The following MED8 variants were observed in gnomAD, a reference collection of about 807,000 sequenced individuals.
The protein encoded by MED8 is mediator of RNA polymerase II transcription subunit 8.
Under a neutral mutation model 34.8 loss-of-function variants are expected in MED8, and 22 were observed. That is an observed-to-expected ratio of 0.63 (90% CI 0.45 to 0.90). The LOEUF is 0.90. Among genes scored for constraint, MED8 ranks in the 40% least tolerant of loss-of-function variants. The pLI is 0.00. For synonymous variants in MED8, 105 were observed against 120.2 expected, an observed-to-expected ratio of 0.87 and a Z score of 0.83; for missense variants, 260 against 326.3, an observed-to-expected ratio of 0.80 and a Z score of 1.57.
Position 43,388,666 on chromosome 1 carries a change from C to T in MED8, c.7-238G>A, listed in dbSNP as rs1416610001. On this transcript the variant is annotated intron_variant, in intron 1 of 6. Coordinates refer to ENST00000372457, the MANE Select transcript of MED8 (RefSeq NM_201542.5). ...CTTCCACCAACTGATTCCTTTTCCC[C>T]ATCACCTCCTAATCTATGCCTGGTT... 5.6e-6 allele frequency: 3 copies of T among 531,406 alleles called. No homozygotes were observed. In the East Asian group the frequency reaches 1.0e-4, roughly 18 times the overall value. The allele number at this position is 531,406 out of a possible 1,614,324, so 32.9% of individuals were successfully genotyped here. A position where few individuals can be genotyped will look rare whatever the true frequency, so the allele number is the denominator to read the frequency against.
At chr1:43,387,691 G>A (rs201561232) in intron 2 of MED8, 44 bp from the exon 3 acceptor site, 38 of 1,607,752 alleles carry the variant, frequency 2.4e-5, no homozygotes, top group Non-Finnish European at 3.1e-5. Context: ...CCCCTTCCCT[G>A]GGTGGTTCTT....
Position 43,385,994 on chromosome 1 carries a change from A to G in MED8, c.726T>C (p.Ala242=), listed in dbSNP as rs1647713766. The part of the protein sequence containing the change: ...QQPMLSGVQM[A]QAGQPGKMPS... The stretch of plus-strand genomic sequence containing the variant: ...CCACCTTACCTGGTTGACCTGCCTG[A>G]GCCATTTGTACCCCACTGAGCATTG... Residue 242 remains alanine, a synonymous_variant, in exon 6 of 7, where the codon GCT becomes GCC. Transcript: ENST00000372457. 6.2e-7 allele frequency: 1 copy of G among 1,613,926 alleles called. No individual in the cohort carries two copies.
rs1163559266 is a variant in MED8, at chr1:43,389,753, T to C, written c.6+6A>G. On this transcript the variant is annotated splice_donor_region_variant and intron_variant, in intron 1 of 6. Coordinates refer to ENST00000372457, the MANE Select transcript of MED8 (RefSeq NM_201542.5). Reference sequence around the variant, plus strand: ...CAGCCGCTAGTACGCCCAACGCAACTCTCACCTGCATTGCGGCGGCCGAGG... The same window carrying C: ...CAGCCGCTAGTACGCCCAACGCAACCCTCACCTGCATTGCGGCGGCCGAGG... The C allele has an allele frequency of 1.2e-6, 2 of 1,608,500 alleles. No homozygotes were observed. Among genetic ancestry groups the C allele is most frequent in the Admixed American group, 1.7e-5 (1 of 59,402 alleles).
At chr1:43,385,828 T>C in intron 6 of MED8, 150 bp downstream of exon 6, 6 of 1,283,674 alleles carry the variant, frequency 4.7e-6, no homozygotes, top group Non-Finnish European at 6.5e-6. Flanking sequence ...ATGAGATTTT[T>C]TTACTTCTGA....
chr1:43,387,557 A>G lies in MED8; in HGVS notation c.216T>C (p.Arg72=). The change falls in exon 3 of 7, where the codon CGT becomes CGC. Residue 72 remains arginine, a synonymous_variant. Coordinates refer to ENST00000372457, the MANE Select transcript of MED8 (RefSeq NM_201542.5). ...VLKHEKTPLF[R]NQVIIPLVLS... is the part of the protein sequence containing the mutation. ...ACACCAGAGGAATGATGACCTGGTTACGGAACAGCGGTGTTTTTTCATGCT... is the reference window on the plus strand; with the variant it reads ...ACACCAGAGGAATGATGACCTGGTTGCGGAACAGCGGTGTTTTTTCATGCT... 1.2e-6 allele frequency: 2 copies of G among 1,614,054 alleles called. No individual in the cohort carries two copies. The highest frequency in any genetic ancestry group is 1.7e-6 in the Non-Finnish European group (2 of 1,179,890).
chr1:43,384,909 G>A lies in MED8; in HGVS notation c.*133C>T. 3.5e-6 allele frequency: 5 copies of A among 1,440,092 alleles called. No homozygotes were observed. Among genetic ancestry groups the A allele is most frequent in the Non-Finnish European group, 4.6e-6 (5 of 1,095,646 alleles). 89.2% of individuals were successfully genotyped at this position (1,440,092 alleles called of 1,614,324 possible). ...CAAGGTCACACAGCTAGTCAGTGGT[G>A]GAAGTGGGATTTGTCTGCTGCTGAA... On this transcript the variant is annotated 3_prime_UTR_variant, in exon 7 of 7. Coordinates refer to ENST00000372457, the MANE Select transcript of MED8 (RefSeq NM_201542.5).
chr1:43,385,205 A>G (rs1647687253), intron 6 of MED8, 99 bp from the exon 7 acceptor site: 2 of 1,455,828 alleles, frequency 1.4e-6, no homozygotes, highest in South Asian at 1.3e-5. Flanking sequence ...TTCCTTTATC[A>G]TCTCAGAACC....
Position 43,384,496 on chromosome 1 carries a change from A to G in MED8, c.*546T>C. On this transcript the variant is annotated 3_prime_UTR_variant, in exon 7 of 7. Coordinates refer to ENST00000372457, the MANE Select transcript of MED8 (RefSeq NM_201542.5). The stretch of plus-strand genomic sequence containing the variant: ...ATTTTTTTTTCCTTCCTGGCCCAGA[A>G]GCTTCTTCACCTTGCGCCTTAGAGG... The G allele has an allele frequency of 6.2e-7, 1 of 1,611,566 alleles. No homozygotes were observed. Among genetic ancestry groups the G allele is most frequent in the Non-Finnish European group, 8.5e-7 (1 of 1,178,852 alleles).
At chr1:43,388,167 A>G in intron 2 of MED8, 143 bp downstream of exon 2, 1 of 801,114 alleles carries the variant, frequency 1.2e-6, no homozygotes, top group Non-Finnish European at 1.9e-6. Flanking sequence ...TCCACTTGCT[A>G]AATGTTAGGA....
At chr1:43,387,681 C>T (rs534953305) in intron 2 of MED8, 34 bp from the exon 3 acceptor site, 2 of 1,611,192 alleles carry the variant, frequency 1.2e-6, no homozygotes, top group East Asian at 2.2e-5. Flanking sequence ...GAATGTTGTA[C>T]CCCTTCCCTG....
Position 43,386,442 on chromosome 1 carries a change from C to T in MED8, c.493+147G>A, listed in dbSNP as rs1309263515. The T allele has an allele frequency of 2.8e-6, 3 of 1,082,602 alleles. No homozygotes were observed. Among genetic ancestry groups the T allele is most frequent in the South Asian group, 1.5e-5 (1 of 64,746 alleles). The allele number at this position is 1,082,602 out of a possible 1,614,324, so 67.1% of individuals were successfully genotyped here. ...TTTCCTCCACTGCTTCAGTGCTGGC[C>T]TTAAATACAAAAGGCTAACAGAATG... On this transcript the variant is annotated intron_variant, in intron 5 of 6. Coordinates refer to ENST00000372457, the MANE Select transcript of MED8 (RefSeq NM_201542.5). The surrounding 1 kb of genome is among the most constrained non-coding windows in gnomAD (Gnocchi z 4.9).
At position 43,386,679 on chromosome 1, in the gene MED8, C is replaced by T. The variant is rs776512086; in HGVS notation, c.412-9G>A. 2 of 1,607,326 alleles carry T rather than the reference C, an allele frequency of 1.2e-6. No individual in the cohort carries two copies. Among genetic ancestry groups the T allele is most frequent in the African/African-American group, 2.7e-5 (2 of 75,024 alleles). ...AAGCTCTGGATCTGCTTCTGTAACA[C>T]ACAAATTTGTGCAGAGATTAGGGTA... is the stretch of plus-strand genomic sequence containing the variant. On this transcript the variant is annotated splice_polypyrimidine_tract_variant and intron_variant, in intron 4 of 6. Transcript: ENST00000372457. The surrounding 1 kb of genome is among the most constrained non-coding windows in gnomAD (Gnocchi z 4.9).
chr1:43,389,728 C>A (rs780880132), intron 1 of MED8, 31 bp downstream of exon 1: 1 of 1,603,420 alleles, frequency 6.2e-7, no homozygotes, highest in South Asian at 1.1e-5. Flanking sequence ...CGAAGCTTGC[C>A]AGCCGCTAGT....
chr1:43,385,796 G>T, intron 6 of MED8, 182 bp downstream of exon 6: 1 of 875,090 alleles, frequency 1.1e-6, no homozygotes, highest in Non-Finnish European at 1.8e-6. Context: ...CTCACTCTCT[G>T]GTGCCTGTTG....
chr1:43,388,171 G>C (rs756860940), intron 2 of MED8, 139 bp downstream of exon 2: 5 of 831,150 alleles, frequency 6.0e-6, no homozygotes, highest in Non-Finnish European at 7.3e-6. Flanking sequence ...CTTGCTAAAT[G>C]TTAGGAAACC....
chr1:43,388,661 T>C (rs916923657), intron 1 of MED8: 3 of 547,556 alleles, frequency 5.5e-6, no homozygotes, highest in African/African-American at 3.8e-5. Flanking sequence ...CTGATTCCTT[T>C]TCCCCATCAC....
rs1463298314 is a variant in MED8, at chr1:43,386,877, A to G, written c.392T>C (p.Ile131Thr). ...TCCAACCTGGGCTGCATCTGCACCA[A>G]TGCGGGCAGCATCTGTCGTCAGTTG... ...EKQLTTDAARIGADAAQKQIQ... is the reference protein window; with the variant it reads ...EKQLTTDAARTGADAAQKQIQ... The change falls in exon 4 of 7, where the codon ATT (isoleucine) becomes ACT (threonine). Residue 131 changes from isoleucine (I) to threonine (T), a missense_variant. Transcript: ENST00000372457. This position sits in a 1 kb window ranked among gnomAD's most constrained non-coding sequence, Gnocchi z 4.9. The G allele has an allele frequency of 1.2e-6, 2 of 1,613,916 alleles. No individual in the cohort carries two copies. Among genetic ancestry groups the G allele is most frequent in the Admixed American group, 3.3e-5 (2 of 60,002 alleles).
At position 43,388,329 on chromosome 1, in the gene MED8, C is replaced by G. The variant is rs774806535; in HGVS notation, c.106G>C (p.Glu36Gln). 3 of 1,613,468 alleles carry G rather than the reference C, an allele frequency of 1.9e-6. No individual in the cohort carries two copies. Among genetic ancestry groups the G allele is most frequent in the Non-Finnish European group, 1.7e-6 (2 of 1,179,884 alleles). The change falls in exon 2 of 7, where the codon GAG becomes CAG. Residue 36 changes from glutamate to glutamine, a missense_variant. Coordinates refer to ENST00000372457, the MANE Select transcript of MED8 (RefSeq NM_201542.5). ...TCTTACCAGGTCAGCCGGCCATACT[C>G]GTTCTCCAACTTGCAAATGAAACTC... ...LGSFICKLEN[E>Q]YGRLTWPSVL...
chr1:43,389,712 T>C (rs762057694), intron 1 of MED8, 47 bp downstream of exon 1: 18 of 1,602,300 alleles, frequency 1.1e-5, no homozygotes, highest in Non-Finnish European at 1.4e-5. Context: ...TCTCGGTCCC[T>C]GTACCCGAAG....
Sources: allele counts gnomAD v4.1 joint callset, GRCh38; gene constraint gnomAD v4.1.1; non-coding constraint Gnocchi (gnomAD v3.1); transcripts MANE v1.5; gene names NCBI Gene and HGNC (gene_info 2026-07-23, HGNC 2026-07-21).